Variants in IFT46 observed in about 807,000 individuals in gnomAD.
The protein encoded by IFT46 is intraflagellar transport 46.
A neutral mutation model predicts 39.6 loss-of-function variants in IFT46; 19 were observed. The observed-to-expected ratio is 0.48, with a 90% CI of 0.33 to 0.70. IFT46 has a LOEUF of 0.70. Ranked by LOEUF, IFT46 falls within the 30% of genes least tolerant of loss-of-function variation. The pLI is 0.01. For synonymous variants in IFT46, 117 were observed against 134.8 expected (o/e 0.87, Z 0.91); for missense variants, 334 against 364.8 (o/e 0.92, Z 0.69).
At chr11:118,563,429 G>A (rs1274134017) in intron 2 of IFT46, among the ~76,000 whole-genome samples, 2 of 152,166 alleles carry the variant, frequency 1.3e-5, no homozygotes, top group Non-Finnish European at 2.9e-5. Flanking sequence ...CAAATTTTAT[G>A]TTATGTATAT....
chr11:118,576,656 A>T (rs550400440), upstream of IFT46, among the ~76,000 whole-genome samples: 1 of 152,196 alleles, frequency 6.6e-6, no homozygotes, highest in East Asian at 1.9e-4. Context: ...TATCATGTTT[A>T]GAGGTGACCA....
At chr11:118,557,459 A>G in intron 3 of IFT46, 1 of 446,432 alleles carries the variant, frequency 2.2e-6, no homozygotes. Context: ...CTTAATACTC[A>G]CAAAGACCAT....
At chr11:118,557,103 T>C (rs1937867131) in intron 3 of IFT46, 58 bp from the exon 4 acceptor site, 2 of 1,459,942 alleles carry the variant, frequency 1.4e-6, no homozygotes. Context: ...AATGTACCTA[T>C]GCCCAGTTCT....
rs369284084 is a variant in IFT46 at position 118,556,897 on chromosome 11, T to C, written c.185+9A>G. ...AAGAGCACCCTTGGCTTGGGTGTTC[T>C]TTCCTCACCCTTCCAGAGGGGCTCC... is the stretch of plus-strand genomic sequence containing the variant. On this transcript the variant is annotated intron_variant, in intron 4 of 11. Transcript: ENST00000264021. 1.7e-4 allele frequency: 269 copies of C among 1,573,666 alleles called. No individual in the cohort carries two copies. The Middle Eastern group carries it at 2.4e-3, about 14-fold the overall frequency.
chr11:118,557,446 G>A (rs1045893363), intron 3 of IFT46: 13 of 400,052 alleles, frequency 3.2e-5, no homozygotes, highest in Admixed American at 1.7e-4. Context: ...AAATTTTAGG[G>A]GTCTTAATAC....
upstream of IFT46, chr11:118,573,845 C>T (rs912109079): frequency 2.9e-5 from 15 of 511,074 alleles, no homozygotes; most frequent in African/African-American, 1.8e-4. Context: ...ACAAAATTTC[C>T]AGAAACTTGT....
Position 118,545,939 on chromosome 11 carries a change from C to A in IFT46, c.673-86G>T. ...CTCTCTCTCTGAAGCAAAAGAGCTT[C>A]TAGCATAAGACACAGGTTATGGGCT... On this transcript the variant is annotated intron_variant, in intron 9 of 11. Transcript: ENST00000264021. 5 of 1,182,430 alleles carry A rather than the reference C, an allele frequency of 4.2e-6. No individual in the cohort carries two copies. The Admixed American group carries it at 8.6e-5, about 20-fold the overall frequency. The allele number at this position is 1,182,430 out of a possible 1,614,324, so 73.2% of individuals were successfully genotyped here. A position where few individuals can be genotyped will look rare whatever the true frequency, so the allele number is the denominator to read the frequency against.
At chr11:118,570,034 A>ACCACGCCC (rs1437828219), upstream of IFT46, among the ~76,000 whole-genome samples, 1 of 142,224 alleles carries the variant, frequency 7.0e-6, no homozygotes, top group Non-Finnish European at 1.5e-5. Context: ...GGCATGAGAC[A>ACCACGCCC]CCACGCCCAG....
intron 9 of IFT46, chr11:118,546,407 C>T (rs1006758883): frequency 8.8e-6 from 4 of 454,410 alleles, no homozygotes. Context: ...GGGAGGACTG[C>T]TTGAGTCCAG....
At chr11:118,567,115 G>A (rs1938243613), upstream of IFT46, among the ~76,000 whole-genome samples, 1 of 151,994 alleles carries the variant, frequency 6.6e-6, no homozygotes, top group African/African-American at 2.4e-5. Context: ...TTAGCCAGGT[G>A]TGGTGGCACG....
chr11:118,560,944 T>C, intron 2 of IFT46: 6 of 1,244,038 alleles, frequency 4.8e-6, no homozygotes, highest in East Asian at 4.6e-5. Context: ...TGCCAAAATG[T>C]GGTGTGAAGG....
intron 7 of IFT46, 84 bp from the exon 8 acceptor site, chr11:118,552,419 T>C: frequency 6.6e-7 from 1 of 1,513,768 alleles, no homozygotes; most frequent in Admixed American, 1.9e-5. Flanking sequence ...CTGCTGCTGT[T>C]TCATATTCGA....
chr11:118,570,360 A>G (rs1419423337), upstream of IFT46, among the ~76,000 whole-genome samples: 2 of 152,006 alleles, frequency 1.3e-5, no homozygotes, highest in East Asian at 1.9e-4. Context: ...GCGCCCAGCC[A>G]GGAGAAAACT....
At chr11:118,556,251 G>A (rs1229271892) in intron 4 of IFT46, among the ~76,000 whole-genome samples, 2 of 152,144 alleles carry the variant, frequency 1.3e-5, no homozygotes, top group African/African-American at 4.8e-5. Flanking sequence ...CAGCACTTTG[G>A]GAGGCCGAGG....
upstream of IFT46, among the ~76,000 whole-genome samples, chr11:118,576,181 A>C (rs1555073514): frequency 1.3e-5 from 2 of 152,144 alleles, no homozygotes; most frequent in African/African-American, 4.8e-5. Flanking sequence ...TGAGGCACTT[A>C]ACAATTCATG....
rs560161038 is a variant in IFT46, at chr11:118,563,642, G to T, written c.-36+1323C>A. Among the ~76,000 whole-genome samples the T allele has an allele frequency of 3.3e-5, 5 of 151,972 alleles. No homozygotes were observed. The East Asian group carries it at 7.7e-4, about 23-fold the overall frequency. On this transcript the variant is annotated intron_variant, in intron 2 of 11. Transcript: ENST00000264021. ...CATCACAACAGTCCATTCCACACAC[G>T]ACAGCAACACAGCCTCCAAAGCTCT...
At chr11:118,546,025 A>T in intron 9 of IFT46, 172 bp from the exon 10 acceptor site, 1 of 712,282 alleles carries the variant, frequency 1.4e-6, no homozygotes, top group Non-Finnish European at 2.6e-6. Flanking sequence ...TCAGAATGTG[A>T]CTATATTTGG....
In IFT46 at chr11:118,552,316, C is replaced by CT. The variant is rs1555068660; in HGVS notation, c.502dup (p.Ser168LysfsTer13). Reference sequence around the variant, plus strand: ...GGGATTCTTTTCTGCATCTTCTAGGCTTTTTACTTTCATATGTTGCTAGGA... The same window carrying CT: ...GGGATTCTTTTCTGCATCTTCTAGGCTTTTTTACTTTCATATGTTGCTAGGA... On this transcript the variant is annotated frameshift_variant, in exon 8 of 12. Transcript: ENST00000264021. LOFTEE classifies it high-confidence loss of function. The CT allele has an allele frequency of 6.2e-7, 1 of 1,614,058 alleles. No individual in the cohort carries two copies. The highest frequency in any genetic ancestry group is 8.5e-7 in the Non-Finnish European group (1 of 1,180,036).
upstream of IFT46, among the ~76,000 whole-genome samples, chr11:118,575,971 GTTGT>G (rs1565357489): frequency 7.9e-5 from 11 of 139,892 alleles, no homozygotes; most frequent in South Asian, 2.4e-3. Flanking sequence ...TGTCACTGTA[GTTGT>G]TTTTTTTTTT....
Sources: allele counts gnomAD v4.1 joint callset (sites outside exome capture counted in the v4.1 genomes callset), GRCh38; gene constraint gnomAD v4.1.1; transcripts MANE v1.5; gene names NCBI Gene and HGNC (gene_info 2026-07-23, HGNC 2026-07-21).